The following PCDHGA4 variants were observed in gnomAD, a reference collection of about 807,000 sequenced individuals.
The protein encoded by PCDHGA4 is protocadherin gamma subfamily A, 4, also known as protocadherin gamma-A4.
PCDHGA4 carries 38 observed loss-of-function variants against 54.6 expected under a neutral mutation model. The observed-to-expected ratio is 0.70, with a 90% CI of 0.54 to 0.91. PCDHGA4 has a LOEUF of 0.91. Among genes scored for constraint, PCDHGA4 ranks in the 40% least tolerant of loss-of-function variants. The pLI, the probability that PCDHGA4 is intolerant of heterozygous loss-of-function variation, is 0.00. For synonymous variants in PCDHGA4, 511 were observed against 512.9 expected (o/e 1.00, Z 0.05); for missense variants, 1,298 against 1,220.9 (o/e 1.06, Z -0.94).
At chr5:141,427,695 C>T in intron 1 of PCDHGA4, 1 of 918,214 alleles carries the variant, frequency 1.1e-6, no homozygotes, top group Non-Finnish European at 1.7e-6. Context: ...CTCCATCCCA[C>T]AAGTCAGCGC....
chr5:141,396,804 G>A lies in PCDHGA4; in HGVS notation c.2514+39183G>A, dbSNP rs189942396. On this transcript the variant is annotated intron_variant, in intron 1 of 3. Coordinates refer to ENST00000571252, the MANE Select transcript of PCDHGA4 (RefSeq NM_018917.4). ...AAGGACATTTCCTAAGGATTGTGTA[G>A]TGTTCTACTGTATGGTGCATATTCA... Among the ~76,000 whole-genome samples the A allele has an allele frequency of 2.8e-4, 42 of 152,300 alleles. 1 individual carries two copies. The highest frequency in any genetic ancestry group is 9.6e-4 in the African/African-American group (40 of 41,552).
intron 1 of PCDHGA4, among the ~76,000 whole-genome samples, chr5:141,358,928 AC>A (rs1191349174): frequency 1.3e-5 from 2 of 152,242 alleles, no homozygotes; most frequent in Non-Finnish European, 2.9e-5. Flanking sequence ...TAGGGGATAT[AC>A]AACACTTTTG....
rs200843744 is a variant in PCDHGA4, at chr5:141,491,417, G to C, written c.2515-3390G>C. 18 of 1,613,988 alleles carry C rather than the reference G, an allele frequency of 1.1e-5. No individual in the cohort carries two copies. Among genetic ancestry groups the C allele is most frequent in the Admixed American group, 5.0e-5 (3 of 60,006 alleles). ...CAGGGAAACGCAGACGGGGACGGGGGTGGAGGGCAGTGCTGCAGGCGCCAG... is the reference window on the plus strand; with the variant it reads ...CAGGGAAACGCAGACGGGGACGGGGCTGGAGGGCAGTGCTGCAGGCGCCAG... On this transcript the variant is annotated intron_variant, in intron 1 of 3. Transcript: ENST00000571252. This position sits in a 1 kb window ranked among gnomAD's most constrained non-coding sequence, Gnocchi z 6.9.
At chr5:141,421,921 G>T in intron 1 of PCDHGA4, 1 of 1,613,644 alleles carries the variant, frequency 6.2e-7, no homozygotes, top group Non-Finnish European at 8.5e-7. Context: ...CATTCGTGTG[G>T]TGGTCCTCGA....
At chr5:141,358,578 A>C (rs1241957472) in intron 1 of PCDHGA4, among the ~76,000 whole-genome samples, 4 of 152,212 alleles carry the variant, frequency 2.6e-5, no homozygotes, top group Non-Finnish European at 4.4e-5. Context: ...ACTATGTGTG[A>C]TTCCTCTGGT....
chr5:141,417,783 C>T, intron 1 of PCDHGA4: 1 of 1,474,286 alleles, frequency 6.8e-7, no homozygotes, highest in Non-Finnish European at 9.0e-7. Flanking sequence ...TGTCCTGGGC[C>T]GAATGCTCTT....
At chr5:141,446,020 T>C (rs1226676321) in intron 1 of PCDHGA4, among the ~76,000 whole-genome samples, 1 of 152,180 alleles carries the variant, frequency 6.6e-6, no homozygotes, top group African/African-American at 2.4e-5. Context: ...ACTATGGCAA[T>C]ATTCCTGGTA....
chr5:141,385,102 G>T (rs370391349), intron 1 of PCDHGA4: 1 of 1,614,056 alleles, frequency 6.2e-7, no homozygotes, highest in South Asian at 1.1e-5. Context: ...CTTGGCGAAC[G>T]TGCCCACCTC....
chr5:141,364,997 T>A, intron 1 of PCDHGA4: 1 of 1,613,852 alleles, frequency 6.2e-7, no homozygotes. Context: ...CCCGGTACTC[T>A]CCGGCACCAC....
In PCDHGA4 at chr5:141,357,289, G is replaced by C. The variant is rs369077752; in HGVS notation, c.2182G>C (p.Val728Leu). The change falls in exon 1 of 4, where the codon GTG (valine) becomes CTG (leucine). Residue 728 changes from valine to leucine, a missense_variant. Transcript: ENST00000571252. ...SGLTLYLVVA[V>L]AAVSCVFLAF... is the part of the protein sequence containing the mutation. Reference sequence around the variant, plus strand: ...CCTCACACTCTATCTCGTGGTGGCAGTGGCCGCTGTCTCCTGCGTCTTCCT... The same window carrying C: ...CCTCACACTCTATCTCGTGGTGGCACTGGCCGCTGTCTCCTGCGTCTTCCT... The C allele has an allele frequency of 1.9e-5, 31 of 1,613,842 alleles. No individual in the cohort carries two copies. Among genetic ancestry groups the C allele is most frequent in the African/African-American group, 2.7e-5 (2 of 74,940 alleles).
At chr5:141,454,875 T>G (rs2098805612) in intron 1 of PCDHGA4, among the ~76,000 whole-genome samples, 1 of 144,402 alleles carries the variant, frequency 6.9e-6, no homozygotes, top group African/African-American at 2.6e-5. Context: ...TGGCACGATC[T>G]TGGCTCACTG....
intron 1 of PCDHGA4, among the ~76,000 whole-genome samples, chr5:141,465,911 A>G (rs540115471): frequency 6.6e-6 from 1 of 152,260 alleles, no homozygotes; most frequent in East Asian, 1.9e-4. Context: ...TCACGAGGTC[A>G]GGATTTCGAG....
At chr5:141,371,656 C>A (rs772257649) in intron 1 of PCDHGA4, 4 of 1,613,886 alleles carry the variant, frequency 2.5e-6, no homozygotes, top group East Asian at 2.2e-5. Flanking sequence ...TACAATGTGA[C>A]GATCACAGCT....
At position 141,431,174 on chromosome 5, in the gene PCDHGA4, G is replaced by C. The variant is rs568632160; in HGVS notation, c.2515-63633G>C. 6.2e-7 allele frequency: 1 copy of C among 1,614,224 alleles called. No individual in the cohort carries two copies. The highest frequency in any genetic ancestry group is 1.1e-5 in the South Asian group (1 of 91,088). ...GCCTTACTTTCGTGAAAGTGAATTA[G>C]AAATAAAAATTAGTGAAAATGCAGC... is the stretch of plus-strand genomic sequence containing the variant. On this transcript the variant is annotated intron_variant, in intron 1 of 3. Coordinates refer to ENST00000571252, the MANE Select transcript of PCDHGA4 (RefSeq NM_018917.4). This position sits in a 1 kb window ranked among gnomAD's most constrained non-coding sequence, Gnocchi z 4.8.
chr5:141,421,512 G>T, intron 1 of PCDHGA4: 2 of 1,614,094 alleles, frequency 1.2e-6, no homozygotes, highest in Non-Finnish European at 1.7e-6. Context: ...ACCGGGAGGA[G>T]CTCTGTGAGA....
chr5:141,505,679 G>A (rs1350871637), intron 3 of PCDHGA4, among the ~76,000 whole-genome samples, 198 bp downstream of exon 3: 24 of 152,172 alleles, frequency 1.6e-4, no homozygotes, highest in Non-Finnish European at 3.5e-4. Flanking sequence ...TGGGGGTCCT[G>A]GGATGCCTGG....
At chr5:141,441,744 G>A (rs913393900) in intron 1 of PCDHGA4, 7 of 366,408 alleles carry the variant, frequency 1.9e-5, no homozygotes, top group African/African-American at 1.1e-4. Context: ...GCTCGCGCTC[G>A]GCGTCAACGT....
At chr5:141,446,390 G>A (rs2098500089) in intron 1 of PCDHGA4, among the ~76,000 whole-genome samples, 1 of 152,284 alleles carries the variant, frequency 6.6e-6, no homozygotes, top group African/African-American at 2.4e-5. Context: ...ATAGATTTAA[G>A]AGAAATCGAG....
chr5:141,365,028 T>G, intron 1 of PCDHGA4: 1 of 1,613,890 alleles, frequency 6.2e-7, no homozygotes, highest in Non-Finnish European at 8.5e-7. Flanking sequence ...GTTACGGTCC[T>G]CGACGCAAAC....
Sources: gnomAD v4.1 joint callset for allele counts (sites outside exome capture counted in the v4.1 genomes callset) on GRCh38, gnomAD v4.1.1 for gene constraint, Gnocchi (gnomAD v3.1) non-coding constraint, MANE v1.5 for transcripts, NCBI Gene and HGNC (gene_info 2026-07-23, HGNC 2026-07-21) for gene names.